The following GLIS1 variants were observed in gnomAD, a reference collection of about 807,000 sequenced individuals.
GLIS1 encodes the protein GLIS family zinc finger 1.
Under a neutral mutation model 63.8 loss-of-function variants are expected in GLIS1, and 24 were observed. The observed-to-expected ratio is 0.38, with a 90% CI of 0.27 to 0.53. The LOEUF is 0.53. GLIS1 is among the 20% of genes least tolerant of loss of function. The probability of loss-of-function intolerance (pLI) is 0.85; values close to 1 mark genes in which losing one functional copy is unlikely to be tolerated. For missense variants in GLIS1, 1,036 were observed against 1,074.1 expected (o/e 0.96, Z 0.50); for synonymous variants, 450 against 482.5 (o/e 0.93, Z 0.88).
chr1:53,661,533 C>T (rs1355149703), intron 2 of GLIS1, among the ~76,000 whole-genome samples: 1 of 152,224 alleles, frequency 6.6e-6, no homozygotes, highest in Non-Finnish European at 1.5e-5. Flanking sequence ...CAGAGGCCCA[C>T]ACAGTTGGAA....
intron 2 of GLIS1, among the ~76,000 whole-genome samples, chr1:53,665,245 G>A (rs903799569): frequency 2.0e-5 from 3 of 152,136 alleles, no homozygotes; most frequent in African/African-American, 7.2e-5. Flanking sequence ...GCATAGGGGA[G>A]AGAAGAGACA....
chr1:53,667,216 A>G (rs776863993), intron 2 of GLIS1, among the ~76,000 whole-genome samples: 2 of 152,226 alleles, frequency 1.3e-5, no homozygotes, highest in Non-Finnish European at 2.9e-5. Flanking sequence ...TGGCACCTGC[A>G]CGCCCACAAC....
At chr1:53,637,668 C>G (rs1361576589) in intron 2 of GLIS1, among the ~76,000 whole-genome samples, 1 of 152,126 alleles carries the variant, frequency 6.6e-6, no homozygotes, top group Non-Finnish European at 1.5e-5. Flanking sequence ...ACCCGCAGGG[C>G]CTAGGCTGCC....
At chr1:53,563,681 G>A (rs1644911416) in intron 4 of GLIS1, among the ~76,000 whole-genome samples, 1 of 152,166 alleles carries the variant, frequency 6.6e-6, no homozygotes, top group Non-Finnish European at 1.5e-5. Context: ...AGTATCTGAA[G>A]AGATAACAGC....
rs774675510 is a variant in GLIS1, at chr1:53,594,286, T to C, written c.1142A>G (p.Tyr381Cys). Residue 381 changes from tyrosine to cysteine, a missense_variant, in exon 4 of 11, where the codon TAT becomes TGT. This residue lies in a region of GLIS1 where 592 missense variants were observed against 593.9 expected (regional missense o/e 1.00). Transcript: ENST00000628545. ...CCGCACCAGCTCCTCCTGCTGCTCA[T>C]AGGCTGCACAGCAGTCCACCCAGCG... is the stretch of plus-strand genomic sequence containing the variant. ...ACRWVDCCAAYEQQEELVRHI... is the reference protein window; with the variant it reads ...ACRWVDCCAACEQQEELVRHI... 7 of 1,613,026 alleles carry C rather than the reference T, an allele frequency of 4.3e-6. No individual in the cohort carries two copies. Among genetic ancestry groups the C allele is most frequent in the African/African-American group, 2.7e-5 (2 of 74,930 alleles).
In GLIS1 at chr1:53,529,884, G is replaced by C; in HGVS notation, c.1389C>G (p.Gly463=). 6.2e-7 allele frequency: 1 copy of C among 1,613,862 alleles called. No individual in the cohort carries two copies. Among genetic ancestry groups the C allele is most frequent in the Non-Finnish European group, 8.5e-7 (1 of 1,179,958 alleles). Reference sequence around the variant, plus strand: ...GGTGCTGGCACAGGTACGGCTTCTCGCCCGTGTGGCTCCTCAGGTGGATCT... The same window carrying C: ...GGTGCTGGCACAGGTACGGCTTCTCCCCCGTGTGGCTCCTCAGGTGGATCT... ...NLKIHLRSHT[G]EKPYLCQHPG... The change falls in exon 5 of 11, where the codon GGC becomes GGG. Residue 463 remains glycine, a synonymous_variant. Transcript: ENST00000628545.
chr1:53,539,048 T>G lies in GLIS1; in HGVS notation c.1321-9096A>C, dbSNP rs373754518. ...AGCTGTGGCTAGACATCGTCTGGAA[T>G]GAGGAAAGAGGCTCTGCCAGGGGCC... On this transcript the variant is annotated intron_variant, in intron 4 of 10. Coordinates refer to ENST00000628545, the MANE Select transcript of GLIS1 (RefSeq NM_001367484.1). This position sits in a 1 kb window ranked among gnomAD's most constrained non-coding sequence, Gnocchi z 5.0. Among the ~76,000 whole-genome samples, 2 of 152,082 alleles carry G rather than the reference T, an allele frequency of 1.3e-5. No homozygotes were observed. The highest frequency in any genetic ancestry group is 2.1e-4 in the South Asian group (1 of 4,822).
At chr1:53,678,060 C>A (rs1646233298) in intron 2 of GLIS1, among the ~76,000 whole-genome samples, 1 of 152,272 alleles carries the variant, frequency 6.6e-6, no homozygotes, top group East Asian at 1.9e-4. Flanking sequence ...TCCCTGGCAC[C>A]ACCGGCTCCT....
At chr1:53,510,097 C>T (rs1198544289) in intron 8 of GLIS1, 70 bp from the exon 9 acceptor site, 6 of 865,848 alleles carry the variant, frequency 6.9e-6, no homozygotes, top group East Asian at 3.3e-5. Context: ...AGGGCTGCTG[C>T]GGCTTACACC....
At chr1:53,680,107 A>AG (rs1646258469) in intron 2 of GLIS1, among the ~76,000 whole-genome samples, 2 of 152,140 alleles carry the variant, frequency 1.3e-5, no homozygotes, top group African/African-American at 4.8e-5. Flanking sequence ...TGAATGAAGG[A>AG]GGGAGAAGGC....
chr1:53,516,071 C>A (rs1644349809), intron 7 of GLIS1, among the ~76,000 whole-genome samples: 1 of 152,114 alleles, frequency 6.6e-6, no homozygotes, highest in Non-Finnish European at 1.5e-5. Context: ...GGGGGCTAGC[C>A]CGGGGCTGCA....
chr1:53,575,995 C>G (rs988644993), intron 4 of GLIS1, among the ~76,000 whole-genome samples: 1 of 152,114 alleles, frequency 6.6e-6, no homozygotes, highest in Non-Finnish European at 1.5e-5. Context: ...CCACACCGTG[C>G]TTGCTGCACC....
At chr1:53,593,283 G>A (rs991946999) in intron 4 of GLIS1, among the ~76,000 whole-genome samples, 3 of 152,218 alleles carry the variant, frequency 2.0e-5, no homozygotes, top group African/African-American at 7.2e-5. Context: ...GCTGTGCCTC[G>A]GAGGTAGCAC....
At chr1:53,606,268 G>C (rs1251115933) in intron 2 of GLIS1, among the ~76,000 whole-genome samples, 3 of 152,214 alleles carry the variant, frequency 2.0e-5, no homozygotes, top group Admixed American at 1.3e-4. Context: ...GTGGGCATCA[G>C]CCGCCATGGA....
At chr1:53,665,389 G>A (rs116015385) in intron 2 of GLIS1, among the ~76,000 whole-genome samples, 2,146 of 152,272 alleles carry the variant, frequency 0.014, 38 homozygotes, top group African/African-American at 0.048. Context: ...CAACTGAAAA[G>A]AGAAGCAGTG....
chr1:53,628,362 C>A (rs547379311), intron 2 of GLIS1, among the ~76,000 whole-genome samples: 1 of 152,286 alleles, frequency 6.6e-6, no homozygotes, highest in South Asian at 2.1e-4. Flanking sequence ...AGATGCTCAA[C>A]GTCCCAGCAC....
intron 2 of GLIS1, among the ~76,000 whole-genome samples, chr1:53,648,277 G>A (rs910791404): frequency 3.3e-5 from 5 of 151,986 alleles, no homozygotes; most frequent in Non-Finnish European, 1.5e-5. Context: ...ATCATTAATC[G>A]CCAGAAAAAT....
At chr1:53,706,968 C>T (rs1646585069) in intron 2 of GLIS1, among the ~76,000 whole-genome samples, 1 of 152,226 alleles carries the variant, frequency 6.6e-6, no homozygotes, top group Non-Finnish European at 1.5e-5. Context: ...CAAAGTGCTC[C>T]TGGCTGGACC....
chr1:53,719,568 T>C (rs973956418), intron 2 of GLIS1, among the ~76,000 whole-genome samples: 1 of 152,138 alleles, frequency 6.6e-6, no homozygotes, highest in African/African-American at 2.4e-5. Flanking sequence ...AGACCCACAA[T>C]GCCTACACTA....
Sources: gnomAD v4.1 joint callset for allele counts (sites outside exome capture counted in the v4.1 genomes callset) on GRCh38, gnomAD v4.1.1 for gene constraint, gnomAD v4.1.1 regional missense constraint, Gnocchi (gnomAD v3.1) non-coding constraint, MANE v1.5 for transcripts, NCBI Gene and HGNC (gene_info 2026-07-23, HGNC 2026-07-21) for gene names.